The following TTLL11 variants were observed in gnomAD, a reference collection of about 807,000 sequenced individuals.
The protein encoded by TTLL11 is tubulin tyrosine ligase like 11, also known as tubulin polyglutamylase TTLL11.
TTLL11 carries 42 observed loss-of-function variants against 51.7 expected under a neutral mutation model. The observed-to-expected ratio is 0.81, with a 90% CI of 0.64 to 1.05. The LOEUF (loss-of-function observed/expected upper bound fraction) is 1.05, where lower values mean the gene tolerates loss of function less well. TTLL11 is among the 50% of genes least tolerant of loss of function. The pLI, the probability that TTLL11 is intolerant of heterozygous loss-of-function variation, is 0.00. For synonymous variants in TTLL11, 381 were observed against 383.5 expected, an observed-to-expected ratio of 0.99 and a Z score of 0.08; for missense variants, 799 against 940.4, an observed-to-expected ratio of 0.85 and a Z score of 1.97.
intron 6 of TTLL11, among the ~76,000 whole-genome samples, chr9:121,930,205 T>C (rs1449791833): frequency 6.6e-6 from 1 of 152,092 alleles, no homozygotes; most frequent in African/African-American, 2.4e-5. Context: ...CTGGGCCAGG[T>C]TCCTGGCTGC....
chr9:121,992,843 C>A (rs1843152411), intron 3 of TTLL11, among the ~76,000 whole-genome samples: 2 of 152,166 alleles, frequency 1.3e-5, no homozygotes, highest in Non-Finnish European at 1.5e-5. Context: ...GGGAAAGTCA[C>A]CCCGTTCAAA....
At chr9:122,076,799 T>C (rs528008700) in intron 1 of TTLL11, among the ~76,000 whole-genome samples, 2 of 149,624 alleles carry the variant, frequency 1.3e-5, no homozygotes, top group South Asian at 4.2e-4. Flanking sequence ...ATTTCCATAA[T>C]TGATAAGACA....
chr9:122,061,201 T>C (rs1165712251), intron 1 of TTLL11, among the ~76,000 whole-genome samples: 1 of 152,220 alleles, frequency 6.6e-6, no homozygotes, highest in Non-Finnish European at 1.5e-5. Flanking sequence ...ACACTTGTCA[T>C]TGGATTTAGG....
chr9:121,923,955 C>T (rs1029195205), intron 6 of TTLL11, among the ~76,000 whole-genome samples: 29 of 152,064 alleles, frequency 1.9e-4, no homozygotes, highest in Admixed American at 1.4e-3. Flanking sequence ...TGAATCATGG[C>T]TGCCATATCT....
At chr9:121,838,471 C>A (rs1837245189) in intron 8 of TTLL11, among the ~76,000 whole-genome samples, 2 of 152,308 alleles carry the variant, frequency 1.3e-5, no homozygotes, top group Admixed American at 1.3e-4. Flanking sequence ...GTAATCCCAG[C>A]ACTTTGGGAG....
chr9:122,007,144 G>A (rs866962483), intron 3 of TTLL11, among the ~76,000 whole-genome samples: 14 of 152,032 alleles, frequency 9.2e-5, no homozygotes, highest in African/African-American at 3.4e-4. Flanking sequence ...AAAAGTAGGG[G>A]AGAGGGCACT....
At chr9:122,065,968 C>T (rs1845571965) in intron 1 of TTLL11, among the ~76,000 whole-genome samples, 2 of 151,952 alleles carry the variant, frequency 1.3e-5, no homozygotes, top group African/African-American at 4.8e-5. Context: ...AAAAACAGGC[C>T]CTTCCCAGTG....
chr9:121,852,135 C>T (rs10739599), intron 8 of TTLL11, among the ~76,000 whole-genome samples: 83,123 of 151,992 alleles, frequency 0.55, 23,303 homozygotes, highest in East Asian at 0.72. Flanking sequence ...TATAGGGTCA[C>T]GGTAGAGCTC....
chr9:121,964,619 C>A (rs759686085), intron 6 of TTLL11, among the ~76,000 whole-genome samples: 18 of 152,040 alleles, frequency 1.2e-4, no homozygotes, highest in Non-Finnish European at 2.2e-4. Flanking sequence ...ACATTCAAGG[C>A]CATAAACCTC....
At chr9:121,855,035 G>C (rs1406145360) in intron 8 of TTLL11, among the ~76,000 whole-genome samples, 1 of 152,202 alleles carries the variant, frequency 6.6e-6, no homozygotes, top group Non-Finnish European at 1.5e-5. Flanking sequence ...AGAGGTGAAG[G>C]CAAGCCCATT....
intron 6 of TTLL11, among the ~76,000 whole-genome samples, chr9:121,884,204 C>T (rs565534991): frequency 5.9e-5 from 9 of 152,174 alleles, no homozygotes; most frequent in Non-Finnish European, 2.9e-5. Context: ...TATGGCGACA[C>T]AATGGCCAGA....
chr9:121,877,447 A>T (rs1838607842), intron 6 of TTLL11, among the ~76,000 whole-genome samples: 1 of 152,142 alleles, frequency 6.6e-6, no homozygotes, highest in African/African-American at 2.4e-5. Context: ...CACAGTGACA[A>T]GGAAAGGACT....
At chr9:122,014,014 G>T (rs1487694038) in intron 3 of TTLL11, among the ~76,000 whole-genome samples, 8 of 152,256 alleles carry the variant, frequency 5.3e-5, no homozygotes, top group African/African-American at 1.9e-4. Context: ...CTTGGCGGGT[G>T]GGGGAAGGCT....
At chr9:121,892,185 CACATATATAT>C (rs1206640390) in intron 6 of TTLL11, among the ~76,000 whole-genome samples, 1 of 126,212 alleles carries the variant, frequency 7.9e-6, no homozygotes, top group African/African-American at 2.9e-5. Flanking sequence ...TATATACACA[CACATATATAT>C]ACATATATAC....
intron 1 of TTLL11, among the ~76,000 whole-genome samples, chr9:122,065,451 G>A (rs1845558916): frequency 6.6e-6 from 1 of 152,136 alleles, no homozygotes; most frequent in Non-Finnish European, 1.5e-5. Context: ...CATAGGTTAT[G>A]TGACTTCTGT....
chr9:122,033,474 C>G (rs1444739020), intron 2 of TTLL11, among the ~76,000 whole-genome samples: 2 of 152,096 alleles, frequency 1.3e-5, no homozygotes, highest in East Asian at 3.9e-4. Context: ...TGGCCTTTAC[C>G]CTGAAAGAGA....
intron 6 of TTLL11, among the ~76,000 whole-genome samples, chr9:121,887,715 T>C (rs1839065150): frequency 6.6e-6 from 1 of 152,332 alleles, no homozygotes; most frequent in Admixed American, 6.5e-5. Flanking sequence ...GAGGGGAAAC[T>C]TGGGCCAATG....
chr9:122,088,556 C>T (rs957374089), intron 1 of TTLL11, among the ~76,000 whole-genome samples: 3 of 152,088 alleles, frequency 2.0e-5, no homozygotes, highest in Admixed American at 6.6e-5. Context: ...ATATGTAGAA[C>T]GGACACAATA....
intron 3 of TTLL11, among the ~76,000 whole-genome samples, chr9:121,992,000 C>G (rs1843128859): frequency 6.6e-6 from 1 of 152,154 alleles, no homozygotes; most frequent in South Asian, 2.1e-4. Flanking sequence ...CTGAAGATCT[C>G]TTGTTCCTCC....
Sources: allele counts gnomAD v4.1 joint callset (sites outside exome capture counted in the v4.1 genomes callset), GRCh38; gene constraint gnomAD v4.1.1; transcripts MANE v1.5; gene names NCBI Gene and HGNC (gene_info 2026-07-23, HGNC 2026-07-21).